The following C17orf67 variants were observed in gnomAD, a reference collection of about 807,000 sequenced individuals.
The protein encoded by C17orf67 is chromosome 17 open reading frame 67.
Under a neutral mutation model 11.2 loss-of-function variants are expected in C17orf67, and 12 were observed. The observed-to-expected ratio is 1.07, with a 90% confidence interval of 0.68 to 1.73. C17orf67 has a LOEUF of 1.73. Ranked by LOEUF, C17orf67 falls within the 40% of genes most tolerant of loss-of-function variation. The pLI is 0.00. For missense variants in C17orf67, 115 were observed against 113.5 expected (o/e 1.01, Z -0.06); for synonymous variants, 59 against 46.9 (o/e 1.26, Z -1.05).
intron 6 of C17orf67, among the ~76,000 whole-genome samples, chr17:56,805,500 G>T (rs1905424649): frequency 6.6e-6 from 1 of 152,158 alleles, no homozygotes; most frequent in African/African-American, 2.4e-5. Context: ...CCATAATCAT[G>T]TTCCCATGAT....
chr17:56,826,501 C>G (rs1567801149), intron 2 of C17orf67, among the ~76,000 whole-genome samples: 1 of 152,182 alleles, frequency 6.6e-6, no homozygotes, highest in Non-Finnish European at 1.5e-5. Context: ...ATCTAACACT[C>G]CTCCCACTTC....
intron 6 of C17orf67, chr17:56,795,413 T>C: frequency 1.9e-6 from 1 of 521,060 alleles, no homozygotes; most frequent in Middle Eastern, 5.0e-4. Context: ...TGGATTTCCA[T>C]GAAAACATGG....
intron 6 of C17orf67, among the ~76,000 whole-genome samples, chr17:56,797,642 A>G (rs1481156129): frequency 6.6e-6 from 1 of 152,116 alleles, no homozygotes; most frequent in Non-Finnish European, 1.5e-5. Context: ...CAAATAACAG[A>G]GGGCCATGAT....
At chr17:56,798,146 C>T (rs1905247201) in intron 6 of C17orf67, among the ~76,000 whole-genome samples, 1 of 152,138 alleles carries the variant, frequency 6.6e-6, no homozygotes, top group South Asian at 2.1e-4. Flanking sequence ...TCTAAGCAGC[C>T]TAACTCCTGT....
At chr17:56,831,208 G>C (rs536448202) in intron 2 of C17orf67, among the ~76,000 whole-genome samples, 3 of 152,146 alleles carry the variant, frequency 2.0e-5, no homozygotes, top group African/African-American at 4.8e-5. Flanking sequence ...AGTAGTGGAG[G>C]GGGGGATGGA....
intron 6 of C17orf67, among the ~76,000 whole-genome samples, chr17:56,797,813 C>T (rs967461235): frequency 3.9e-5 from 6 of 152,280 alleles, no homozygotes; most frequent in Non-Finnish European, 7.3e-5. Context: ...CCTCCAAATG[C>T]GCCTTGGTCT....
chr17:56,797,541 G>A (rs1054758234), intron 6 of C17orf67, among the ~76,000 whole-genome samples: 23 of 152,268 alleles, frequency 1.5e-4, no homozygotes, highest in African/African-American at 5.3e-4. Context: ...GGTGGAGAAC[G>A]GACTGGGGTC....
intron 7 of C17orf67, among the ~76,000 whole-genome samples, chr17:56,793,218 T>TG (rs1905150781): frequency 6.6e-6 from 1 of 152,086 alleles, no homozygotes; most frequent in Non-Finnish European, 1.5e-5. Context: ...TATCCTCATT[T>TG]TACAAATGAG....
intron 4 of C17orf67, among the ~76,000 whole-genome samples, chr17:56,819,716 T>C (rs1699547920): frequency 6.6e-6 from 1 of 152,166 alleles, no homozygotes; most frequent in Non-Finnish European, 1.5e-5. Context: ...AGTGTCTTAT[T>C]GTGAGTGTCA....
intron 4 of C17orf67, among the ~76,000 whole-genome samples, chr17:56,822,433 G>C (rs1905925955): frequency 6.6e-6 from 1 of 152,098 alleles, no homozygotes; most frequent in South Asian, 2.1e-4. Context: ...CGTTGGAGCT[G>C]AGTGACATTG....
chr17:56,799,142 T>C (rs1322235817), intron 6 of C17orf67, among the ~76,000 whole-genome samples: 1 of 152,192 alleles, frequency 6.6e-6, no homozygotes, highest in Non-Finnish European at 1.5e-5. Context: ...TGAGACTTGA[T>C]GGGGCCGAAC....
chr17:56,814,836 T>C, intron 6 of C17orf67, 33 bp downstream of exon 6: 1 of 1,595,682 alleles, frequency 6.3e-7, no homozygotes, highest in Non-Finnish European at 8.6e-7. Flanking sequence ...AATGATCACA[T>C]TTTCTTTAAA....
intron 2 of C17orf67, among the ~76,000 whole-genome samples, chr17:56,826,179 C>T (rs759815568): frequency 6.6e-6 from 1 of 152,212 alleles, no homozygotes; most frequent in South Asian, 2.1e-4. Flanking sequence ...GTCTTCAACT[C>T]CTGGCCTCAA....
intron 4 of C17orf67, 36 bp downstream of exon 4, chr17:56,824,703 A>G (rs989368120): frequency 1.3e-5 from 2 of 152,304 alleles, no homozygotes; most frequent in African/African-American, 4.8e-5. Context: ...AAGAAACTGA[A>G]TCCAGACTCT....
intron 6 of C17orf67, among the ~76,000 whole-genome samples, chr17:56,800,917 T>C (rs1597988625): frequency 6.6e-6 from 1 of 152,210 alleles, no homozygotes. Flanking sequence ...GGTGTGGTGG[T>C]GCACACTTGT....
Position 56,815,796 on chromosome 17 carries a change from A to G in C17orf67, c.15T>C (p.Pro5=). The G allele has an allele frequency of 6.2e-7, 1 of 1,613,938 alleles. No homozygotes were observed. Among genetic ancestry groups the G allele is most frequent in the East Asian group, 2.2e-5 (1 of 44,882 alleles). MKTL[P]VLVLSLTLLT... ...GTAAGGTAAGAGACAGCACGAGCAC[A>G]GGCAATGTCTTCATCCTGCCTTGGT... is the stretch of plus-strand genomic sequence containing the variant. The change falls in exon 5 of 8, where the codon CCT becomes CCC. Residue 5 remains proline (P), a synonymous_variant. Transcript: ENST00000397861.
chr17:56,795,224 C>T (rs1481782263), intron 6 of C17orf67, 44 bp from the exon 7 acceptor site: 5 of 1,561,210 alleles, frequency 3.2e-6, no homozygotes, highest in East Asian at 2.2e-5. Context: ...CCCACAGTGA[C>T]AGCCAAGGGA....
intron 6 of C17orf67, among the ~76,000 whole-genome samples, chr17:56,805,783 C>T (rs546113765): frequency 1.3e-5 from 2 of 151,622 alleles, no homozygotes; most frequent in African/African-American, 4.8e-5. Context: ...AACTATCTAA[C>T]AAAAGAGGAT....
chr17:56,815,757 T>A lies in C17orf67; in HGVS notation c.54A>T (p.Ser18=). The change falls in exon 5 of 8, where the codon TCA becomes TCT. Residue 18 remains serine, a splice_region_variant and synonymous_variant. Transcript: ENST00000397861. ...VLSLTLLTVF[S]ETSPILTEKQ... is the part of the protein sequence containing the mutation. ...GCTGTTTTTGGAGTCAGTGCCCACC[T>A]GAGAAGACAGTCAGTAAGGTAAGAG... The A allele has an allele frequency of 6.2e-7, 1 of 1,609,902 alleles. No individual in the cohort carries two copies. The highest frequency in any genetic ancestry group is 8.5e-7 in the Non-Finnish European group (1 of 1,177,086).
Sources: allele counts gnomAD v4.1 joint callset (sites outside exome capture counted in the v4.1 genomes callset), GRCh38; gene constraint gnomAD v4.1.1; transcripts MANE v1.5; gene names NCBI Gene and HGNC (gene_info 2026-07-23, HGNC 2026-07-21).